PPM1B: variants seen among roughly 807,000 people sequenced by gnomAD.
PPM1B encodes the protein protein phosphatase 1B.
Under a neutral mutation model 43.0 loss-of-function variants are expected in PPM1B, and 22 were observed. That is an observed-to-expected ratio of 0.51 (90% confidence interval 0.37 to 0.73). The LOEUF (loss-of-function observed/expected upper bound fraction) is 0.73. Ranked by LOEUF, PPM1B falls within the 30% of genes least tolerant of loss-of-function variation. The probability of loss-of-function intolerance (pLI) is 0.00; values close to 1 mark genes in which losing one functional copy is unlikely to be tolerated. For synonymous variants in PPM1B, 217 were observed against 197.9 expected, an observed-to-expected ratio of 1.10 and a Z score of -0.81; for missense variants, 632 against 584.2, an observed-to-expected ratio of 1.08 and a Z score of -0.84.
At chr2:44,231,566 T>C (rs551095597), downstream of PPM1B, 1 of 651,166 alleles carries the variant, frequency 1.5e-6, no homozygotes, top group African/African-American at 2.0e-5. Context: ...TGTATTTATA[T>C]AACATTTAGA....
At chr2:44,244,329 A>G in exon 6 of PPM1B, 1 of 1,361,806 alleles carries the variant, frequency 7.3e-7, no homozygotes, top group Non-Finnish European at 9.8e-7. Context: ...GCACGCGGAC[A>G]AAAAGGTTTT....
At chr2:44,232,779 A>G (rs1558434847), downstream of PPM1B, 33 of 986,610 alleles carry the variant, frequency 3.3e-5, no homozygotes, top group Middle Eastern at 5.1e-4. Context: ...CAGTTCACCA[A>G]GTTGGAAGCC....
At chr2:44,234,655 C>T (rs1670563513), downstream of PPM1B, 41 of 978,876 alleles carry the variant, frequency 4.2e-5, no homozygotes, top group Non-Finnish European at 4.9e-5. Context: ...AATTTCCTAG[C>T]CTGGCTATTC....
chr2:44,230,958 A>T lies in PPM1B; in HGVS notation c.*240A>T. The T allele has an allele frequency of 2.7e-6, 3 of 1,106,786 alleles. No individual in the cohort carries two copies. The highest frequency in any genetic ancestry group is 3.4e-6 in the Non-Finnish European group (3 of 892,250). The allele number at this position is 1,106,786 out of a possible 1,614,324, so 68.6% of individuals were successfully genotyped here. ...TGTCATTTCACATTGTATGCCAGAA[A>T]TTAGGCTACCAATTATGAATTAAAG... is the stretch of plus-strand genomic sequence containing the variant. On this transcript the variant is annotated 3_prime_UTR_variant, in exon 6 of 6. Transcript: ENST00000282412.
chr2:44,183,124 T>A (rs375107007), intron 1 of PPM1B, among the ~76,000 whole-genome samples: 2 of 152,236 alleles, frequency 1.3e-5, no homozygotes, highest in Middle Eastern at 3.2e-3. Context: ...TTTTGCTTCC[T>A]TTTGCACAAA....
downstream of PPM1B, among the ~76,000 whole-genome samples, chr2:44,239,304 C>G (rs76173639): frequency 7.4e-3 from 1,113 of 151,250 alleles, 10 homozygotes; most frequent in African/African-American, 0.025. Flanking sequence ...TTCCTCTTTT[C>G]TGAATTGAAT....
chr2:44,207,580 C>CT lies in PPM1B; in HGVS notation c.847-1617dup, dbSNP rs1002683351. Among the ~76,000 whole-genome samples the CT allele has an allele frequency of 2.6e-3, 375 of 143,918 alleles. 1 individual carries two copies. The highest frequency in any genetic ancestry group is 5.9e-3 in the African/African-American group (233 of 39,448). The allele number at this position is 143,918 out of a possible 152,430, so 94.4% of individuals were successfully genotyped here. ...GTACTAGAGTAGTATATATGATATG[C>CT]TTTTTTTTTTTTTGAGAGAGAGTCT... is the stretch of plus-strand genomic sequence containing the variant. On this transcript the variant is annotated intron_variant, in intron 2 of 5. Coordinates refer to ENST00000282412, the MANE Select transcript of PPM1B (RefSeq NM_002706.6).
chr2:44,230,274 G>T, intron 5 of PPM1B, 139 bp from the exon 6 acceptor site: 1 of 1,477,042 alleles, frequency 6.8e-7, no homozygotes, highest in Non-Finnish European at 9.0e-7. Flanking sequence ...GGTAAGAATT[G>T]ATATTTAATA....
chr2:44,243,396 T>G (rs1670792197), intron 5 of PPM1B, among the ~76,000 whole-genome samples: 1 of 152,234 alleles, frequency 6.6e-6, no homozygotes, highest in Non-Finnish European at 1.5e-5. Context: ...ACTTTTACAT[T>G]CAAAATTTTC....
intron 1 of PPM1B, among the ~76,000 whole-genome samples, chr2:44,182,809 T>A (rs1667947316): frequency 6.6e-6 from 1 of 152,158 alleles, no homozygotes; most frequent in South Asian, 2.1e-4. Context: ...TTCCTGAACT[T>A]TTAGGAAGGT....
chr2:44,229,140 C>T (rs1221643496), intron 5 of PPM1B, among the ~76,000 whole-genome samples: 1 of 151,676 alleles, frequency 6.6e-6, no homozygotes, highest in African/African-American at 2.4e-5. Flanking sequence ...CGAGAACATG[C>T]CATTGCCCTC....
At chr2:44,239,970 T>TGCACTCCAGCTTGG (rs368144986) in intron 5 of PPM1B, among the ~76,000 whole-genome samples, 1 of 146,580 alleles carries the variant, frequency 6.8e-6, no homozygotes, top group Non-Finnish European at 1.5e-5. Context: ...TGCTGACATC[T>TGCACTCCAGCTTGG]AGCAGGTATA....
intron 5 of PPM1B, among the ~76,000 whole-genome samples, chr2:44,224,461 A>G (rs1400832205): frequency 6.6e-6 from 1 of 151,420 alleles, no homozygotes; most frequent in African/African-American, 2.4e-5. Flanking sequence ...TCTCCAAAAA[A>G]AAAAAAAAAA....
intron 5 of PPM1B, among the ~76,000 whole-genome samples, chr2:44,229,651 C>G (rs563644400): frequency 6.6e-6 from 1 of 152,108 alleles, no homozygotes; most frequent in Non-Finnish European, 1.5e-5. Flanking sequence ...CATGACTGTA[C>G]TTTATAATGC....
intron 5 of PPM1B, among the ~76,000 whole-genome samples, chr2:44,229,651 CT>C (rs1670382299): frequency 6.6e-6 from 1 of 152,108 alleles, no homozygotes. Context: ...CATGACTGTA[CT>C]TTATAATGCA....
At chr2:44,205,380 T>TGTGTGTGTGTGTGTGTAA (rs3841859) in intron 2 of PPM1B, among the ~76,000 whole-genome samples, 8 of 150,636 alleles carry the variant, frequency 5.3e-5, no homozygotes, top group African/African-American at 2.0e-4. Flanking sequence ...TGTGTGTGTG[T>TGTGTGTGTGTGTGTGTAA]AAGTGTCTGT....
downstream of PPM1B, chr2:44,234,139 A>T: frequency 4.1e-6 from 4 of 971,882 alleles, no homozygotes; most frequent in Non-Finnish European, 4.9e-6. Context: ...TATTTCTGAA[A>T]ATTTAATTCC....
intron 1 of PPM1B, among the ~76,000 whole-genome samples, chr2:44,185,486 A>G (rs1419794048): frequency 1.3e-5 from 2 of 152,166 alleles, no homozygotes; most frequent in Admixed American, 6.6e-5. Flanking sequence ...CAACAAAGCT[A>G]TTTCCATTTT....
At chr2:44,206,928 C>G (rs899612524) in intron 2 of PPM1B, among the ~76,000 whole-genome samples, 1 of 152,064 alleles carries the variant, frequency 6.6e-6, no homozygotes, top group Non-Finnish European at 1.5e-5. Flanking sequence ...TTGAACTGCC[C>G]TTATGACATT....
Sources: allele counts gnomAD v4.1 joint callset (sites outside exome capture counted in the v4.1 genomes callset), GRCh38; gene constraint gnomAD v4.1.1; transcripts MANE v1.5; gene names NCBI Gene and HGNC (gene_info 2026-07-23, HGNC 2026-07-21).